AAR2: variants seen among roughly 807,000 people sequenced by gnomAD.
AAR2 encodes the protein AAR2 splicing factor.
AAR2 carries 31 observed loss-of-function variants against 26.9 expected under a neutral mutation model. The ratio of observed to expected loss-of-function variants is 1.15; its 90% CI spans 0.86 to 1.55. The LOEUF is 1.55. Ranked by LOEUF, AAR2 falls within the 40% of genes most tolerant of loss-of-function variation. The probability of loss-of-function intolerance (pLI) is 0.00; values close to 1 mark genes in which losing one functional copy is unlikely to be tolerated. For missense variants in AAR2, 430 were observed against 491.3 expected, an observed-to-expected ratio of 0.88 and a Z score of 1.18; for synonymous variants, 188 against 196.1, an observed-to-expected ratio of 0.96 and a Z score of 0.34.
At chr20:36,238,127 G>C (rs2064636550) in intron 1 of AAR2, among the ~76,000 whole-genome samples, 2 of 152,026 alleles carry the variant, frequency 1.3e-5, no homozygotes, top group African/African-American at 4.8e-5. Flanking sequence ...AAACTTTTAT[G>C]ACTGTGACCT....
Position 36,253,453 on chromosome 20 carries a change from A to G in AAR2, c.988-2125A>G, listed in dbSNP as rs534255910. Among the ~76,000 whole-genome samples the G allele has an allele frequency of 2.0e-5, 3 of 152,236 alleles. No homozygotes were observed. In the East Asian group the frequency reaches 5.8e-4, roughly 29 times the overall value. On this transcript the variant is annotated intron_variant, in intron 3 of 3. Transcript: ENST00000320849. Reference sequence around the variant, plus strand: ...AGTCATTTAACTCCTCTCAGCTTCCATTTCCTTAAAATAGGCATTCTGTTG... The same window carrying G: ...AGTCATTTAACTCCTCTCAGCTTCCGTTTCCTTAAAATAGGCATTCTGTTG...
chr20:36,236,690 G>A (rs1311348033), intron 1 of AAR2, 187 bp downstream of exon 1: 1 of 152,258 alleles, frequency 6.6e-6, no homozygotes, highest in South Asian at 2.1e-4. Context: ...CGTCGCCAGA[G>A]TTACGTCGCG....
chr20:36,255,229 AC>A (rs1170942449), intron 3 of AAR2, among the ~76,000 whole-genome samples: 5 of 152,148 alleles, frequency 3.3e-5, no homozygotes, highest in African/African-American at 1.2e-4. Context: ...GCTTATAAGC[AC>A]CCCCAAGCCT....
intron 2 of AAR2, among the ~76,000 whole-genome samples, chr20:36,242,430 G>T (rs1003144636): frequency 6.6e-6 from 1 of 151,752 alleles, no homozygotes; most frequent in East Asian, 1.9e-4. Context: ...TTGCTCTGTC[G>T]CCCAGGCTGG....
chr20:36,245,276 G>A lies in AAR2; in HGVS notation c.987+350G>A, dbSNP rs531545624. ...CCAGTAAAGCAGAATTTTGAAGTTTGTTATTCCCAGTGAAACATCTGCAGC... is the reference window on the plus strand; with the variant it reads ...CCAGTAAAGCAGAATTTTGAAGTTTATTATTCCCAGTGAAACATCTGCAGC... On this transcript the variant is annotated intron_variant, in intron 3 of 3. Transcript: ENST00000320849. Among the ~76,000 whole-genome samples, 3 of 152,132 alleles carry A rather than the reference G, an allele frequency of 2.0e-5. No homozygotes were observed. The South Asian group carries it at 6.2e-4, about 32-fold the overall frequency.
chr20:36,240,247 T>A lies in AAR2; in HGVS notation c.379T>A (p.Tyr127Asn). The A allele has an allele frequency of 1.9e-6, 3 of 1,614,146 alleles. No individual in the cohort carries two copies. Among genetic ancestry groups the A allele is most frequent in the Non-Finnish European group, 2.5e-6 (3 of 1,180,016 alleles). ...ELDQFLGPYP[Y>N]ATLKKWISLT... is the part of the protein sequence containing the mutation. ...GGACCAGTTCCTGGGGCCTTACCCATATGCCACCCTGAAGAAGTGGATCTC... is the reference window on the plus strand; with the variant it reads ...GGACCAGTTCCTGGGGCCTTACCCAAATGCCACCCTGAAGAAGTGGATCTC... Residue 127 changes from tyrosine to asparagine, a missense_variant, in exon 2 of 4, where the codon TAT (tyrosine) becomes AAT (asparagine). By Grantham distance (143) the Tyr-to-Asn change is moderately radical. Transcript: ENST00000320849.
chr20:36,254,925 A>G (rs1477393833), intron 3 of AAR2, among the ~76,000 whole-genome samples: 1 of 152,250 alleles, frequency 6.6e-6, no homozygotes, highest in African/African-American at 2.4e-5. Flanking sequence ...AGCCTATTTT[A>G]TAAGGAAGTG....
rs781465836 is a variant in AAR2, at chr20:36,244,786, C to G, written c.847C>G (p.Arg283Gly). Residue 283 changes from arginine to glycine, a missense_variant, in exon 3 of 4, where the codon CGG becomes GGG. Arg to Gly is a moderately radical substitution (Grantham distance 125). Coordinates refer to ENST00000320849, the MANE Select transcript of AAR2 (RefSeq NM_001271874.2). ...GAAGCGGCTCCTGAACCTCCTGTGCCGGTCAGAAGCAGCCATGATGAAGCA... is the reference window on the plus strand; with the variant it reads ...GAAGCGGCTCCTGAACCTCCTGTGCGGGTCAGAAGCAGCCATGATGAAGCA... ...HWKRLLNLLC[R>G]SEAAMMKHHT... is the part of the protein sequence containing the mutation. 5 of 1,614,164 alleles carry G rather than the reference C, an allele frequency of 3.1e-6. No individual in the cohort carries two copies. The highest frequency in any genetic ancestry group is 4.2e-6 in the Non-Finnish European group (5 of 1,180,042).
At chr20:36,255,438 T>G in intron 3 of AAR2, 140 bp from the exon 4 acceptor site, 1 of 935,690 alleles carries the variant, frequency 1.1e-6, no homozygotes, top group South Asian at 1.5e-5. Context: ...GGGGGGAGCA[T>G]AGCAGGTGTC....
chr20:36,251,926 G>A (rs2064783337), intron 3 of AAR2, among the ~76,000 whole-genome samples: 1 of 152,202 alleles, frequency 6.6e-6, no homozygotes, highest in Non-Finnish European at 1.5e-5. Flanking sequence ...CAGTCCCTGG[G>A]TCTCAATAGG....
chr20:36,238,553 C>T (rs910805914), intron 1 of AAR2, among the ~76,000 whole-genome samples: 4 of 151,934 alleles, frequency 2.6e-5, no homozygotes, highest in Non-Finnish European at 5.9e-5. Context: ...GTCAGGAGTT[C>T]CAGACTAGCC....
chr20:36,244,721 G>A lies in AAR2; in HGVS notation c.782G>A (p.Cys261Tyr). 1 of 1,614,150 alleles carries A rather than the reference G, an allele frequency of 6.2e-7. No homozygotes were observed. The highest frequency in any genetic ancestry group is 8.5e-7 in the Non-Finnish European group (1 of 1,180,036). Residue 261 changes from cysteine (C) to tyrosine (Y), a missense_variant, in exon 3 of 4, where the codon TGC (cysteine) becomes TAC (tyrosine). By Grantham distance (194) the Cys-to-Tyr change is radical (BLOSUM62 -2). Coordinates refer to ENST00000320849, the MANE Select transcript of AAR2 (RefSeq NM_001271874.2). ...VLGELQFAFV[C>Y]FLLGNVYEAF... ...GGTGAACTCCAGTTTGCTTTTGTGTGCTTCCTGCTGGGGAATGTGTACGAG... is the reference window on the plus strand; with the variant it reads ...GGTGAACTCCAGTTTGCTTTTGTGTACTTCCTGCTGGGGAATGTGTACGAG...
chr20:36,244,513 C>A (rs543945528), intron 2 of AAR2, among the ~76,000 whole-genome samples, 184 bp from the exon 3 acceptor site: 1 of 152,216 alleles, frequency 6.6e-6, no homozygotes, highest in Non-Finnish European at 1.5e-5. Context: ...CATAGCGGTT[C>A]AGCAGACATC....
chr20:36,249,452 C>G (rs1417478824), intron 3 of AAR2, among the ~76,000 whole-genome samples: 3 of 152,164 alleles, frequency 2.0e-5, no homozygotes, highest in Non-Finnish European at 4.4e-5. Context: ...GTCATCTAAC[C>G]TGTTTTTAAA....
chr20:36,240,797 C>T (rs935346563), intron 2 of AAR2, among the ~76,000 whole-genome samples, 172 bp downstream of exon 2: 37 of 152,322 alleles, frequency 2.4e-4, no homozygotes, highest in African/African-American at 8.7e-4. Flanking sequence ...TTTGAGAGAT[C>T]TGGAGTGGGG....
At chr20:36,245,876 C>T (rs1228443123) in intron 3 of AAR2, among the ~76,000 whole-genome samples, 1 of 152,008 alleles carries the variant, frequency 6.6e-6, no homozygotes, top group East Asian at 1.9e-4. Flanking sequence ...AAAAATTGGC[C>T]AGGTATGGTC....
chr20:36,255,681 C>T lies in AAR2; in HGVS notation c.1091C>T (p.Ala364Val), dbSNP rs750908223. 2 of 1,614,128 alleles carry T rather than the reference C, an allele frequency of 1.2e-6. No homozygotes were observed. The highest frequency in any genetic ancestry group is 1.7e-6 in the Non-Finnish European group (2 of 1,179,980). Residue 364 changes from alanine (A) to valine (V), a missense_variant, in exon 4 of 4, where the codon GCT (alanine) becomes GTT (valine). Coordinates refer to ENST00000320849, the MANE Select transcript of AAR2 (RefSeq NM_001271874.2). Reference sequence around the variant, plus strand: ...ACCAAGAAGTTCCGGTGGGACTTTGCTGCGGAACCTGAGGACTGTGCCCCG... The same window carrying T: ...ACCAAGAAGTTCCGGTGGGACTTTGTTGCGGAACCTGAGGACTGTGCCCCG... ...HLTKKFRWDFAAEPEDCAPVV... is the reference protein window; with the variant it reads ...HLTKKFRWDFVAEPEDCAPVV...
rs141340897 is a variant in AAR2 at position 36,255,683 on chromosome 20, G to T, written c.1093G>T (p.Ala365Ser). 10 of 1,614,036 alleles carry T rather than the reference G, an allele frequency of 6.2e-6. No individual in the cohort carries two copies. The highest frequency in any genetic ancestry group is 7.6e-6 in the Non-Finnish European group (9 of 1,180,048). The change falls in exon 4 of 4, where the codon GCG (alanine) becomes TCG (serine). Residue 365 changes from alanine (A) to serine (S), a missense_variant. Transcript: ENST00000320849. ...CAAGAAGTTCCGGTGGGACTTTGCTGCGGAACCTGAGGACTGTGCCCCGGT... is the reference window on the plus strand; with the variant it reads ...CAAGAAGTTCCGGTGGGACTTTGCTTCGGAACCTGAGGACTGTGCCCCGGT... The part of the protein sequence containing the change: ...LTKKFRWDFA[A>S]EPEDCAPVVV...
Position 36,240,554 on chromosome 20 carries a change from G to A in AAR2, c.686G>A (p.Ser229Asn), listed in dbSNP as rs1445551908. The A allele has an allele frequency of 3.1e-6, 5 of 1,613,728 alleles. No individual in the cohort carries two copies. The highest frequency in any genetic ancestry group is 4.2e-6 in the Non-Finnish European group (5 of 1,180,060). Residue 229 changes from serine to asparagine, a missense_variant, in exon 2 of 4, where the codon AGC (serine) becomes AAC (asparagine). Ser to Asn is a conservative substitution (Grantham distance 46, BLOSUM62 1). Coordinates refer to ENST00000320849, the MANE Select transcript of AAR2 (RefSeq NM_001271874.2). The part of the protein sequence containing the change: ...GATPAEITKH[S>N]MDLSYALETV... ...ACGCCAGCTGAGATAACCAAGCACA[G>A]CATGGACCTGAGCTATGCCCTGGAG...
Sources: allele counts gnomAD v4.1 joint callset (sites outside exome capture counted in the v4.1 genomes callset), GRCh38; gene constraint gnomAD v4.1.1; transcripts MANE v1.5; gene names NCBI Gene and HGNC (gene_info 2026-07-23, HGNC 2026-07-21).